USP12: variants seen among roughly 807,000 people sequenced by gnomAD.
USP12 encodes the protein ubiquitin carboxyl-terminal hydrolase 12.
A neutral mutation model predicts 45.5 loss-of-function variants in USP12; 19 were observed. The observed-to-expected ratio is 0.42, with a 90% CI of 0.29 to 0.61. The LOEUF (loss-of-function observed/expected upper bound fraction) is 0.61, where lower values mean the gene tolerates loss of function less well. USP12 is among the 20% of genes least tolerant of loss of function. USP12 has a pLI of 0.22. For synonymous variants in USP12, 149 were observed against 148.8 expected, an observed-to-expected ratio of 1.00 and a Z score of -0.01; for missense variants, 242 against 447.7, an observed-to-expected ratio of 0.54 and a Z score of 4.15.
chr13:27,121,131 A>G (rs1165736101), intron 1 of USP12, among the ~76,000 whole-genome samples: 1 of 152,200 alleles, frequency 6.6e-6, no homozygotes, highest in Non-Finnish European at 1.5e-5. Context: ...TTCAATGCAT[A>G]AGGGAACCAG....
chr13:27,118,884 A>C (rs1232215339), intron 1 of USP12, among the ~76,000 whole-genome samples: 1 of 152,064 alleles, frequency 6.6e-6, no homozygotes, highest in Non-Finnish European at 1.5e-5. Flanking sequence ...CCACATGTCC[A>C]CCTGTCACCA....
chr13:27,150,078 TAGA>T (rs1480076667), intron 1 of USP12, among the ~76,000 whole-genome samples: 1 of 152,118 alleles, frequency 6.6e-6, no homozygotes, highest in African/African-American at 2.4e-5. Context: ...TTCAAATAGA[TAGA>T]GGAGCAGATT....
At chr13:27,163,260 C>G (rs1878194884) in intron 1 of USP12, among the ~76,000 whole-genome samples, 1 of 152,174 alleles carries the variant, frequency 6.6e-6, no homozygotes, top group African/African-American at 2.4e-5. Flanking sequence ...TGGTAAACTC[C>G]TGGTACTTCT....
chr13:27,115,845 A>C (rs1196065736), intron 2 of USP12, among the ~76,000 whole-genome samples: 1 of 152,226 alleles, frequency 6.6e-6, no homozygotes, highest in Non-Finnish European at 1.5e-5. Context: ...TGCACAGCTA[A>C]ATGTATACTT....
intron 1 of USP12, 90 bp downstream of exon 1, chr13:27,171,502 C>T: frequency 3.9e-6 from 1 of 254,598 alleles, no homozygotes; most frequent in South Asian, 1.2e-4. Context: ...CGCTAGGCCC[C>T]GCGAGCGGCC....
At chr13:27,170,269 T>A in intron 1 of USP12, 1 of 398,604 alleles carries the variant, frequency 2.5e-6, no homozygotes, top group Non-Finnish European at 4.4e-6. Context: ...TTTGTACTGT[T>A]CCTCAGCGTG....
chr13:27,109,438 A>C (rs1411046399), intron 2 of USP12, among the ~76,000 whole-genome samples: 1 of 152,240 alleles, frequency 6.6e-6, no homozygotes. Flanking sequence ...GCAATGAAAG[A>C]GACAATACCA....
intron 1 of USP12, among the ~76,000 whole-genome samples, chr13:27,164,103 T>C (rs2137846833): frequency 1.4e-5 from 2 of 147,938 alleles, no homozygotes; most frequent in South Asian, 4.4e-4. Context: ...AAAAAAAAAA[T>C]CACTAGCATC....
chr13:27,119,330 T>C (rs1875879711), intron 1 of USP12, among the ~76,000 whole-genome samples: 1 of 152,018 alleles, frequency 6.6e-6, no homozygotes, highest in African/African-American at 2.4e-5. Flanking sequence ...ATCACTGTAC[T>C]CCCCCACACG....
chr13:27,087,333 A>T (rs1874108940), intron 6 of USP12, among the ~76,000 whole-genome samples: 1 of 152,112 alleles, frequency 6.6e-6, no homozygotes, highest in African/African-American at 2.4e-5. Context: ...GGCAGAGAGA[A>T]TAAGCTGGGT....
At chr13:27,154,711 A>C (rs1877735300) in intron 1 of USP12, among the ~76,000 whole-genome samples, 1 of 148,158 alleles carries the variant, frequency 6.7e-6, no homozygotes, top group Non-Finnish European at 1.5e-5. Context: ...TCCACATCCT[A>C]ATCCCCAGAA....
intron 4 of USP12, among the ~76,000 whole-genome samples, chr13:27,095,310 T>C (rs1189433570): frequency 6.6e-6 from 1 of 152,228 alleles, no homozygotes; most frequent in Admixed American, 6.5e-5. Context: ...TATGAGATTA[T>C]GTCATAAGAC....
rs565259416 is a variant in USP12 at position 27,109,744 on chromosome 13, T to C, written c.130-3800A>G. Among the ~76,000 whole-genome samples the C allele has an allele frequency of 2.6e-5, 4 of 151,752 alleles. No homozygotes were observed. The East Asian group carries it at 7.8e-4, about 29-fold the overall frequency. On this transcript the variant is annotated intron_variant, in intron 2 of 8. Coordinates refer to ENST00000282344, the MANE Select transcript of USP12 (RefSeq NM_182488.4). ...GCCTGGCCAACATGGTGAAACCCCGTCTCTACTAAAAATACAAAAACTAGC... is the reference window on the plus strand; with the variant it reads ...GCCTGGCCAACATGGTGAAACCCCGCCTCTACTAAAAATACAAAAACTAGC...
At position 27,082,488 on chromosome 13, in the gene USP12, TG is replaced by T. The variant is rs1357119992; in HGVS notation, c.735-7101del. 3.3e-5 allele frequency among the ~76,000 whole-genome samples: 5 copies of T among 152,220 alleles called. No individual in the cohort carries two copies. The East Asian group carries it at 7.7e-4, about 23-fold the overall frequency. On this transcript the variant is annotated intron_variant, in intron 6 of 8. Transcript: ENST00000282344. Reference sequence around the variant, plus strand: ...TCTCCATTTGGCAATAAGGCTGTTTTGCTTTCTTATCATTTGTGGGTTCACT... The same window carrying T: ...TCTCCATTTGGCAATAAGGCTGTTTTCTTTCTTATCATTTGTGGGTTCACT...
chr13:27,151,040 A>G (rs561553783), intron 1 of USP12, among the ~76,000 whole-genome samples: 1 of 152,246 alleles, frequency 6.6e-6, no homozygotes, highest in East Asian at 1.9e-4. Context: ...ACAAAAGAAA[A>G]AAATCAGGCC....
At chr13:27,116,447 T>C (rs1875746028) in intron 2 of USP12, 69 bp downstream of exon 2, 18 of 1,399,458 alleles carry the variant, frequency 1.3e-5, no homozygotes, top group Admixed American at 3.9e-5. Context: ...TAATAACTTA[T>C]GGAATGCATT....
rs1873117099 is a variant in USP12 at position 27,069,027 on chromosome 13, A to AT, written c.*255_*256insA. The AT allele has an allele frequency of 6.3e-6, 3 of 475,966 alleles. No individual in the cohort carries two copies. Among genetic ancestry groups the AT allele is most frequent in the African/African-American group, 6.0e-5 (3 of 50,384 alleles). The allele number at this position is 475,966 out of a possible 1,614,324, so 29.5% of individuals were successfully genotyped here. ...CCAATGACTGGAAGGCTGTTTTAAA[A>AT]GAGGAGCTGGTATCTCTGATTTCAC... On this transcript the variant is annotated 3_prime_UTR_variant, in exon 9 of 9. Transcript: ENST00000282344.
At chr13:27,109,229 G>C (rs1265974197) in intron 2 of USP12, among the ~76,000 whole-genome samples, 2 of 152,172 alleles carry the variant, frequency 1.3e-5, no homozygotes, top group Non-Finnish European at 2.9e-5. Flanking sequence ...TAGGTTAAAA[G>C]TTGATGGGGA....
At chr13:27,131,821 T>C (rs1193064075) in intron 1 of USP12, among the ~76,000 whole-genome samples, 1 of 152,214 alleles carries the variant, frequency 6.6e-6, no homozygotes, top group African/African-American at 2.4e-5. Context: ...ACAATACCCA[T>C]TAACGGTTTT....
Sources: allele counts gnomAD v4.1 joint callset (sites outside exome capture counted in the v4.1 genomes callset), GRCh38; gene constraint gnomAD v4.1.1; transcripts MANE v1.5; gene names NCBI Gene and HGNC (gene_info 2026-07-23, HGNC 2026-07-21).